Variants in AOX1 observed in about 807,000 individuals in gnomAD.
AOX1 encodes aldehyde oxidase.
In AOX1, 153 loss-of-function variants were observed where a neutral mutation model predicts 169.5. That is an observed-to-expected ratio of 0.90 (90% CI 0.79 to 1.03). The LOEUF is 1.03. AOX1 is among the 50% of genes least tolerant of loss of function. The pLI, the probability that AOX1 is intolerant of heterozygous loss-of-function variation, is 0.00. For synonymous variants in AOX1, 562 were observed against 581.9 expected (o/e 0.97, Z 0.49); for missense variants, 1,656 against 1,663.9 (o/e 1.00, Z 0.08).
downstream of AOX1, among the ~76,000 whole-genome samples, chr2:200,680,957 G>A (rs1167916782): frequency 6.6e-6 from 1 of 152,224 alleles, no homozygotes; most frequent in African/African-American, 2.4e-5. Context: ...AACAAAAAGT[G>A]TGAAGTGGAA....
intron 20 of AOX1, among the ~76,000 whole-genome samples, chr2:200,630,716 ATCG>A (rs773694591): frequency 1.3e-5 from 2 of 152,146 alleles, no homozygotes; most frequent in African/African-American, 2.4e-5. Flanking sequence ...TTTGTCTGCT[ATCG>A]TCTTTTGGAT....
At chr2:200,640,097 T>G (rs1574944641) in intron 23 of AOX1, among the ~76,000 whole-genome samples, 1 of 149,110 alleles carries the variant, frequency 6.7e-6, no homozygotes, top group Non-Finnish European at 1.5e-5. Flanking sequence ...GTGGGAATAG[T>G]AAGAGCAAAA....
At chr2:200,600,696 G>T (rs1574910798) in intron 5 of AOX1, among the ~76,000 whole-genome samples, 1 of 152,096 alleles carries the variant, frequency 6.6e-6, no homozygotes, top group Non-Finnish European at 1.5e-5. Flanking sequence ...ATGTAGAAAG[G>T]AGAGACATCG....
At chr2:200,595,067 A>T (rs1226764907) in intron 2 of AOX1, among the ~76,000 whole-genome samples, 2 of 152,218 alleles carry the variant, frequency 1.3e-5, no homozygotes, top group East Asian at 1.9e-4. Context: ...AGAATGCAAG[A>T]TATAACACAC....
Position 200,660,028 on chromosome 2 carries a change from C to A in AOX1, c.3334C>A (p.Pro1112Thr). Residue 1112 changes from proline to threonine, a missense_variant, in exon 29 of 35, where the codon CCC (proline) becomes ACC (threonine). Coordinates refer to ENST00000374700, the MANE Select transcript of AOX1 (RefSeq NM_001159.4). ...ACQTLLKRLE[P>T]IISKNPKGTW... ...TCAAACTCTTCTAAAACGCCTCGAA[C>A]CCATCATCAGCAAGAATCCTAAAGG... is the stretch of plus-strand genomic sequence containing the variant. 1 of 1,613,828 alleles carries A rather than the reference C, an allele frequency of 6.2e-7. No individual in the cohort carries two copies. The highest frequency in any genetic ancestry group is 8.5e-7 in the Non-Finnish European group (1 of 1,179,848).
At chr2:200,681,136 T>C (rs2036149191), downstream of AOX1, among the ~76,000 whole-genome samples, 1 of 152,202 alleles carries the variant, frequency 6.6e-6, no homozygotes, top group Admixed American at 6.5e-5. Context: ...CTTGAAGTGA[T>C]GCACTAGGCT....
At chr2:200,661,265 A>G (rs546560149) in intron 29 of AOX1, among the ~76,000 whole-genome samples, 1 of 152,344 alleles carries the variant, frequency 6.6e-6, no homozygotes, top group African/African-American at 2.4e-5. Flanking sequence ...GTTTTCTAAA[A>G]TGTCCCATCT....
In AOX1 at chr2:200,620,769, G is replaced by A. The variant is rs772133767; in HGVS notation, c.1824G>A (p.Gln608=). The A allele has an allele frequency of 1.2e-6, 2 of 1,609,164 alleles. No homozygotes were observed. The highest frequency in any genetic ancestry group is 1.7e-6 in the Non-Finnish European group (2 of 1,178,568). ...IYCDDMPLVD[Q]ELFLTFVTSS... ...GTGATGACATGCCTCTGGTGGACCA[G>A]GAACTTTTCTTGACTTTTGTGACTA... The change falls in exon 17 of 35, where the codon CAG becomes CAA. Residue 608 remains glutamine, a synonymous_variant. Transcript: ENST00000374700.
At chr2:200,614,066 A>G in intron 15 of AOX1, 100 bp downstream of exon 15, 1 of 1,155,242 alleles carries the variant, frequency 8.7e-7, no homozygotes, top group Non-Finnish European at 1.2e-6. Context: ...TAGAATAAAA[A>G]AGACAATCCA....
intron 15 of AOX1, 68 bp downstream of exon 15, chr2:200,614,034 A>G: frequency 7.1e-7 from 1 of 1,411,616 alleles, no homozygotes; most frequent in African/African-American, 1.4e-5. Context: ...AGTAGAGGCA[A>G]TGACTCCCTA....
intron 20 of AOX1, 50 bp from the exon 21 acceptor site, chr2:200,634,741 C>T (rs375783061): frequency 6.2e-7 from 1 of 1,609,046 alleles, no homozygotes; most frequent in African/African-American, 1.3e-5. Context: ...GGGGACGCTA[C>T]CTGTTGCTTC....
chr2:200,669,468 C>T, intron 33 of AOX1, 107 bp from the exon 34 acceptor site: 6 of 1,232,412 alleles, frequency 4.9e-6, no homozygotes, highest in East Asian at 2.4e-5. Context: ...AAAAAATGTA[C>T]ATATGTAGTA....
At chr2:200,669,524 A>T in intron 33 of AOX1, 51 bp from the exon 34 acceptor site, 1 of 1,589,388 alleles carries the variant, frequency 6.3e-7, no homozygotes, top group Non-Finnish European at 8.6e-7. Context: ...ATGCACATAT[A>T]TACAGAGTGA....
At chr2:200,642,205 G>T (rs1288164143) in intron 24 of AOX1, among the ~76,000 whole-genome samples, 10 of 152,074 alleles carry the variant, frequency 6.6e-5, no homozygotes, top group Admixed American at 6.6e-4. Flanking sequence ...CCAGGAGCAG[G>T]GAAAGGATTG....
intron 23 of AOX1, among the ~76,000 whole-genome samples, chr2:200,639,210 C>T (rs951751313): frequency 4.6e-5 from 7 of 152,206 alleles, no homozygotes; most frequent in African/African-American, 1.7e-4. Flanking sequence ...TATTGGGTAT[C>T]ACTGCCCTAC....
rs146795730 is a variant in AOX1 at position 200,661,406 on chromosome 2, A to G, written c.3376-173A>G. ...AATCATAGGTGCTGAACAAACAGCTACAAGCCGTGAACCACAGAGGAGAAA... is the reference window on the plus strand; with the variant it reads ...AATCATAGGTGCTGAACAAACAGCTGCAAGCCGTGAACCACAGAGGAGAAA... On this transcript the variant is annotated intron_variant, in intron 29 of 34. Transcript: ENST00000374700. Among the ~76,000 whole-genome samples, 483 of 152,356 alleles carry G rather than the reference A, an allele frequency of 3.2e-3. 4 individuals carry two copies. Among genetic ancestry groups the G allele is most frequent in the African/African-American group, 0.011 (450 of 41,586 alleles).
In AOX1 at chr2:200,660,016, A is replaced by G. The variant is rs2035790113; in HGVS notation, c.3322A>G (p.Lys1108Glu). The G allele has an allele frequency of 6.2e-7, 1 of 1,613,842 alleles. No homozygotes were observed. The highest frequency in any genetic ancestry group is 2.2e-5 in the East Asian group (1 of 44,870). ...CTAGGATGCCTGTCAAACTCTTCTA[A>G]AACGCCTCGAACCCATCATCAGCAA... ...AVKDACQTLL[K>E]RLEPIISKNP... is the part of the protein sequence containing the mutation. Residue 1108 changes from lysine to glutamate, a missense_variant, in exon 29 of 35, where the codon AAA (lysine) becomes GAA (glutamate). By Grantham distance (56) the Lys-to-Glu change is moderately conservative. Coordinates refer to ENST00000374700, the MANE Select transcript of AOX1 (RefSeq NM_001159.4).
Position 200,600,477 on chromosome 2 carries a change from G to GT in AOX1, c.436+731_436+732insT, listed in dbSNP as rs534273000. Among the ~76,000 whole-genome samples the GT allele has an allele frequency of 5.3e-3, 248 of 47,106 alleles. 2 individuals carry two copies. The highest frequency in any genetic ancestry group is 0.013 in the South Asian group (20 of 1,538). The allele number at this position is 47,106 out of a possible 152,430, so 30.9% of individuals were successfully genotyped here. A position where few individuals can be genotyped will look rare whatever the true frequency, so the allele number is the denominator to read the frequency against. On this transcript the variant is annotated intron_variant, in intron 5 of 34. Coordinates refer to ENST00000374700, the MANE Select transcript of AOX1 (RefSeq NM_001159.4). ...TCAGGAGCTCAGTGTGTATGTGGCG[G>GT]GGGGGGACATCCTCATCAACAAGAT... is the stretch of plus-strand genomic sequence containing the variant.
At chr2:200,667,061 C>T (rs2035935906) in intron 32 of AOX1, among the ~76,000 whole-genome samples, 2 of 152,190 alleles carry the variant, frequency 1.3e-5, no homozygotes, top group Admixed American at 6.5e-5. Context: ...GTGCCCAGTG[C>T]TGAGCCTTAG....
Sources: gnomAD v4.1 joint callset for allele counts (sites outside exome capture counted in the v4.1 genomes callset) on GRCh38, gnomAD v4.1.1 for gene constraint, MANE v1.5 for transcripts, NCBI Gene and HGNC (gene_info 2026-07-23, HGNC 2026-07-21) for gene names.